The following CPEB4 variants were observed in gnomAD, a reference collection of about 807,000 sequenced individuals.
CPEB4 encodes cytoplasmic polyadenylation element binding protein 4, also known as cytoplasmic polyadenylation element-binding protein 4.
In CPEB4, 12 loss-of-function variants were observed where a neutral mutation model predicts 72.5. The ratio of observed to expected loss-of-function variants is 0.17; its 90% CI spans 0.11 to 0.27. CPEB4 has a LOEUF of 0.27. Among genes scored for constraint, CPEB4 ranks in the 10% least tolerant of loss-of-function variants. CPEB4 has a pLI of 1.00. For missense variants in CPEB4, 614 were observed against 908.5 expected (o/e 0.68, Z 4.17); for synonymous variants, 302 against 326.3 (o/e 0.93, Z 0.80).
chr5:173,956,214 CT>C lies in CPEB4; in HGVS notation c.*79del. 9.0e-7 allele frequency: 1 copy of C among 1,116,548 alleles called. No homozygotes were observed. The highest frequency in any genetic ancestry group is 1.4e-6 in the Non-Finnish European group (1 of 740,556). The allele number at this position is 1,116,548 out of a possible 1,614,324, so 69.2% of individuals were successfully genotyped here. On this transcript the variant is annotated 3_prime_UTR_variant, in exon 10 of 10. Transcript: ENST00000265085. ...TTCATTCTGACCCCTTCCTCAACCT[CT>C]TCACGCTGGCATGTCCTTTTGTAGC...
Position 173,889,293 on chromosome 5 carries a change from GA to G in CPEB4, c.-440del, listed in dbSNP as rs1237206774. 6.6e-6 allele frequency: 1 copy of G among 152,422 alleles called. No individual in the cohort carries two copies. The highest frequency in any genetic ancestry group is 6.5e-5 in the Admixed American group (1 of 15,272). 9.4% of individuals were successfully genotyped at this position (152,422 alleles called of 1,614,324 possible). ...TTTATGTGAGTGAATCTAAACTGCTGAGGAAAACCATATGTGATTGTTAAAT... is the reference window on the plus strand; with the variant it reads ...TTTATGTGAGTGAATCTAAACTGCTGGGAAAACCATATGTGATTGTTAAAT... On this transcript the variant is annotated 5_prime_UTR_variant, in exon 1 of 10. Coordinates refer to ENST00000265085, the MANE Select transcript of CPEB4 (RefSeq NM_030627.4).
chr5:173,893,605 G>A (rs567277428), intron 1 of CPEB4, among the ~76,000 whole-genome samples: 7 of 152,210 alleles, frequency 4.6e-5, no homozygotes, highest in Admixed American at 1.3e-4. Context: ...TTCCTTAGGC[G>A]TGATAGAGAG....
rs1755742964 is a variant in CPEB4, at chr5:173,889,907, A to G, written c.174A>G (p.Ser58=). The G allele has an allele frequency of 6.2e-7, 1 of 1,614,064 alleles. No individual in the cohort carries two copies. The highest frequency in any genetic ancestry group is 1.7e-5 in the Admixed American group (1 of 60,010). ...NTAANGSSAG[S]AWLFPAPATH... is the part of the protein sequence containing the mutation. ...CTGCCAATGGCAGCAGTGCTGGGTC[A>G]GCTTGGCTTTTTCCTGCTCCAGCTA... The change falls in exon 1 of 10, where the codon TCA becomes TCG. Residue 58 remains serine, a synonymous_variant. Coordinates refer to ENST00000265085, the MANE Select transcript of CPEB4 (RefSeq NM_030627.4).
In CPEB4 at chr5:173,956,008, T is replaced by TA; in HGVS notation, c.2062dup (p.Thr688AsnfsTer8). 6.2e-7 allele frequency: 1 copy of TA among 1,614,156 alleles called. No homozygotes were observed. Among genetic ancestry groups the TA allele is most frequent in the Non-Finnish European group, 8.5e-7 (1 of 1,180,008 alleles). On this transcript the variant is annotated frameshift_variant, in exon 10 of 10. Coordinates refer to ENST00000265085, the MANE Select transcript of CPEB4 (RefSeq NM_030627.4). LOFTEE classifies it high-confidence loss of function. ...TTGCTCCATTTTTCTGTGCTAATGT[T>TA]ACCTGTCTGCAGTATTACTGTGAAT... is the stretch of plus-strand genomic sequence containing the variant.
At chr5:173,948,651 A>G (rs993877128) in intron 5 of CPEB4, among the ~76,000 whole-genome samples, 2 of 152,214 alleles carry the variant, frequency 1.3e-5, no homozygotes, top group African/African-American at 4.8e-5. Flanking sequence ...TCAGGTTGCT[A>G]TAAAAAAATA....
At chr5:173,923,842 TC>T (rs1757154824) in intron 2 of CPEB4, among the ~76,000 whole-genome samples, 1 of 152,200 alleles carries the variant, frequency 6.6e-6, no homozygotes, top group African/African-American at 2.4e-5. Flanking sequence ...TGTTGCTCTG[TC>T]CTCTAAATGT....
In CPEB4 at chr5:173,888,417, G is replaced by GGCGGCGGCGGCGGCGGCA; in HGVS notation, c.-1303_-1302insGGCAGCGGCGGCGGCGGC. ...GACCCGGGCACCGGGAGGCGGTGGC[G>GGCGGCGGCGGCGGCGGCA]GCGGCGGCGGCGGCAGCAGCGGCGA... On this transcript the variant is annotated 5_prime_UTR_variant, in exon 1 of 10. Coordinates refer to ENST00000265085, the MANE Select transcript of CPEB4 (RefSeq NM_030627.4). The surrounding 1 kb of genome is among the most constrained non-coding windows in gnomAD (Gnocchi z 4.3). 1 of 458,432 alleles carries GGCGGCGGCGGCGGCGGCA rather than the reference G, an allele frequency of 2.2e-6. No homozygotes were observed. The highest frequency in any genetic ancestry group is 3.8e-6 in the Non-Finnish European group (1 of 265,634). The allele number at this position is 458,432 out of a possible 1,614,324, so 28.4% of individuals were successfully genotyped here.
At chr5:173,920,365 C>A (rs1206165523) in intron 2 of CPEB4, among the ~76,000 whole-genome samples, 1 of 152,196 alleles carries the variant, frequency 6.6e-6, no homozygotes, top group African/African-American at 2.4e-5. Flanking sequence ...AGTCTTAATT[C>A]TGAAGAGCAG....
rs141784174 is a variant in CPEB4 at position 173,900,022 on chromosome 5, G to T, written c.1125+9164G>T. On this transcript the variant is annotated intron_variant, in intron 1 of 9. Coordinates refer to ENST00000265085, the MANE Select transcript of CPEB4 (RefSeq NM_030627.4). This position sits in a 1 kb window ranked among gnomAD's most constrained non-coding sequence, Gnocchi z 4.4. ...GTTGTGAGAGTCTGGAAATGTGGAG[G>T]CTGGGCACAAGCTGCCTTTTGAGAT... Among the ~76,000 whole-genome samples the T allele has an allele frequency of 1.3e-5, 2 of 152,068 alleles. No individual in the cohort carries two copies. The highest frequency in any genetic ancestry group is 4.8e-5 in the African/African-American group (2 of 41,396).
At chr5:173,945,871 T>C (rs1349855701) in intron 5 of CPEB4, among the ~76,000 whole-genome samples, 2 of 152,242 alleles carry the variant, frequency 1.3e-5, no homozygotes, top group African/African-American at 4.8e-5. Flanking sequence ...TTCAGGAATA[T>C]GCTATTCATC....
intron 2 of CPEB4, among the ~76,000 whole-genome samples, chr5:173,925,140 A>G (rs1757199576): frequency 6.6e-6 from 1 of 152,148 alleles, no homozygotes; most frequent in Non-Finnish European, 1.5e-5. Flanking sequence ...AGTTGAAGTT[A>G]TGGGCCAGCA....
At chr5:173,949,619 A>G (rs763643177) in intron 6 of CPEB4, 22 bp downstream of exon 6, 1 of 1,478,614 alleles carries the variant, frequency 6.8e-7, no homozygotes, top group Non-Finnish European at 9.4e-7. Context: ...GATTCATTAT[A>G]CTTATGTAAT....
At chr5:173,953,572 ATATT>A (rs1007091982) in intron 9 of CPEB4, 8 of 366,846 alleles carry the variant, frequency 2.2e-5, no homozygotes, top group Non-Finnish European at 3.9e-5. Context: ...CATTCAATAA[ATATT>A]TACTGAATCC....
chr5:173,889,612 G>A lies in CPEB4; in HGVS notation c.-122G>A. 1.2e-6 allele frequency: 1 copy of A among 819,508 alleles called. No individual in the cohort carries two copies. Among genetic ancestry groups the A allele is most frequent in the East Asian group, 2.5e-5 (1 of 39,896 alleles). 50.8% of individuals were successfully genotyped at this position (819,508 alleles called of 1,614,324 possible). ...GTGATAAGCTGCGATCTTTGAGCTAGCTATAAATAAGACATTTCAAGCAAG... is the reference window on the plus strand; with the variant it reads ...GTGATAAGCTGCGATCTTTGAGCTAACTATAAATAAGACATTTCAAGCAAG... On this transcript the variant is annotated 5_prime_UTR_variant, in exon 1 of 10. Coordinates refer to ENST00000265085, the MANE Select transcript of CPEB4 (RefSeq NM_030627.4).
At chr5:173,948,800 A>C (rs1367035371) in intron 5 of CPEB4, among the ~76,000 whole-genome samples, 2 of 152,034 alleles carry the variant, frequency 1.3e-5, no homozygotes, top group African/African-American at 4.8e-5. Flanking sequence ...CTTATTGTAC[A>C]CTCACATGGC....
intron 4 of CPEB4, 123 bp downstream of exon 4, chr5:173,943,172 A>G: frequency 2.2e-6 from 2 of 925,874 alleles, no homozygotes; most frequent in Non-Finnish European, 1.6e-6. Flanking sequence ...ATCCTTAGGT[A>G]ATTTTTGTGT....
In CPEB4 at chr5:173,889,835, C is replaced by T. The variant is rs1308660113; in HGVS notation, c.102C>T (p.His34=). 1 of 1,614,174 alleles carries T rather than the reference C, an allele frequency of 6.2e-7. No individual in the cohort carries two copies. The highest frequency in any genetic ancestry group is 2.2e-5 in the East Asian group (1 of 44,884). ...FHPHLQPPHH[H]QNATPSPAAF... Reference sequence around the variant, plus strand: ...CACATCTGCAGCCTCCACACCATCACCAAAATGCCACCCCCAGCCCTGCTG... The same window carrying T: ...CACATCTGCAGCCTCCACACCATCATCAAAATGCCACCCCCAGCCCTGCTG... The change falls in exon 1 of 10, where the codon CAC becomes CAT. Residue 34 remains histidine (H), a synonymous_variant. Coordinates refer to ENST00000265085, the MANE Select transcript of CPEB4 (RefSeq NM_030627.4).
rs373072632 is a variant in CPEB4 at position 173,952,018 on chromosome 5, A to C, written c.1780+80A>C. On this transcript the variant is annotated intron_variant, in intron 8 of 9. Coordinates refer to ENST00000265085, the MANE Select transcript of CPEB4 (RefSeq NM_030627.4). ...TCTTCAGGATAAATTTTTCCTAAGAATTGGAGTTAATATCCAAGAGTGAGA... is the reference window on the plus strand; with the variant it reads ...TCTTCAGGATAAATTTTTCCTAAGACTTGGAGTTAATATCCAAGAGTGAGA... 3.1e-5 allele frequency: 28 copies of C among 913,166 alleles called. No homozygotes were observed. In the South Asian group the frequency reaches 3.7e-4, roughly 12 times the overall value. The allele number at this position is 913,166 out of a possible 1,614,324, so 56.6% of individuals were successfully genotyped here.
At chr5:173,910,256 C>T (rs1477674072) in intron 1 of CPEB4, among the ~76,000 whole-genome samples, 2 of 151,814 alleles carry the variant, frequency 1.3e-5, no homozygotes, top group Non-Finnish European at 2.9e-5. Flanking sequence ...TACAGAAATT[C>T]GTTTTAATGG....
Sources: allele counts gnomAD v4.1 joint callset (sites outside exome capture counted in the v4.1 genomes callset), GRCh38; gene constraint gnomAD v4.1.1; non-coding constraint Gnocchi (gnomAD v3.1); transcripts MANE v1.5; gene names NCBI Gene and HGNC (gene_info 2026-07-23, HGNC 2026-07-21).